GRM7: variants seen among roughly 807,000 people sequenced by gnomAD.
GRM7 encodes the protein glutamate metabotropic receptor 7.
In GRM7, 35 loss-of-function variants were observed where a neutral mutation model predicts 84.5. The ratio of observed to expected loss-of-function variants is 0.41; its 90% CI spans 0.32 to 0.55. The LOEUF (loss-of-function observed/expected upper bound fraction) is 0.55, where lower values mean the gene tolerates loss of function less well. Ranked by LOEUF, GRM7 falls within the 20% of genes least tolerant of loss-of-function variation. The pLI is 0.19. For missense variants in GRM7, 1,003 were observed against 1,194.6 expected (o/e 0.84, Z 2.36); for synonymous variants, 487 against 455.1 (o/e 1.07, Z -0.89).
intron 1 of GRM7, among the ~76,000 whole-genome samples, chr3:7,035,484 C>T (rs545416957): frequency 2.6e-5 from 4 of 152,242 alleles, no homozygotes; most frequent in Non-Finnish European, 5.9e-5. Context: ...AATACTATTT[C>T]AAGGCCTATA....
intron 1 of GRM7, among the ~76,000 whole-genome samples, chr3:6,887,650 T>C (rs1695752648): frequency 6.6e-6 from 1 of 152,176 alleles, no homozygotes; most frequent in South Asian, 2.1e-4. Context: ...TTTGGGTTGG[T>C]TCCAAGTCTT....
At chr3:7,605,570 C>T (rs1559434150) in intron 8 of GRM7, among the ~76,000 whole-genome samples, 1 of 152,074 alleles carries the variant, frequency 6.6e-6, no homozygotes. Context: ...ACTAAGAATA[C>T]AGCAAGAATG....
chr3:7,341,277 T>A (rs567432450), intron 4 of GRM7, among the ~76,000 whole-genome samples: 1 of 152,106 alleles, frequency 6.6e-6, no homozygotes, highest in Admixed American at 6.6e-5. Flanking sequence ...AAATGTAACT[T>A]TAAGCAATGA....
At chr3:7,061,017 C>A (rs961218654) in intron 1 of GRM7, among the ~76,000 whole-genome samples, 11 of 151,700 alleles carry the variant, frequency 7.3e-5, no homozygotes, top group African/African-American at 2.2e-4. Context: ...CAATTTAATG[C>A]CCTTTTAGGT....
intron 2 of GRM7, among the ~76,000 whole-genome samples, chr3:7,245,673 C>G (rs1004299513): frequency 6.6e-6 from 1 of 151,822 alleles, no homozygotes; most frequent in African/African-American, 2.4e-5. Context: ...TAAAAAATGA[C>G]AAATGGAATT....
At chr3:7,611,529 A>G (rs1430658717) in intron 8 of GRM7, among the ~76,000 whole-genome samples, 1 of 152,202 alleles carries the variant, frequency 6.6e-6, no homozygotes, top group African/African-American at 2.4e-5. Flanking sequence ...GACAGAGGCC[A>G]GAGAGAAACA....
At chr3:7,347,852 C>G (rs143182036) in intron 4 of GRM7, among the ~76,000 whole-genome samples, 4 of 152,268 alleles carry the variant, frequency 2.6e-5, no homozygotes, top group African/African-American at 9.6e-5. Flanking sequence ...TTGACATTGT[C>G]CCTTGGACTT....
chr3:7,247,563 C>T (rs114220748), intron 2 of GRM7, among the ~76,000 whole-genome samples: 3,222 of 144,950 alleles, frequency 0.022, 40 homozygotes, highest in Middle Eastern at 0.043. Context: ...TGTGCCACTC[C>T]AGCCTGGGTA....
chr3:7,033,606 C>T (rs1434687870), intron 1 of GRM7, among the ~76,000 whole-genome samples: 2 of 152,092 alleles, frequency 1.3e-5, no homozygotes, highest in Non-Finnish European at 2.9e-5. Flanking sequence ...GGTTTTTTCC[C>T]CCTAAAGCTG....
At chr3:6,979,976 A>G (rs1277618163) in intron 1 of GRM7, among the ~76,000 whole-genome samples, 2 of 152,186 alleles carry the variant, frequency 1.3e-5, no homozygotes, top group South Asian at 2.1e-4. Flanking sequence ...AATAAAACAT[A>G]TAATTGCTAA....
intron 5 of GRM7, among the ~76,000 whole-genome samples, chr3:7,415,706 T>C (rs999238040): frequency 6.6e-6 from 1 of 152,146 alleles, no homozygotes; most frequent in Non-Finnish European, 1.5e-5. Context: ...CACACATTCA[T>C]TCATTTATTC....
intron 9 of GRM7, chr3:7,693,810 C>A: frequency 1.7e-6 from 1 of 583,838 alleles, no homozygotes; most frequent in Non-Finnish European, 3.1e-6. Context: ...GGGGGTAGTT[C>A]TCATCACATG....
chr3:7,253,253 A>G (rs1698071409), intron 2 of GRM7, among the ~76,000 whole-genome samples: 1 of 152,166 alleles, frequency 6.6e-6, no homozygotes, highest in African/African-American at 2.4e-5. Context: ...CCCTCTCCAC[A>G]TAATAAAAAT....
intron 8 of GRM7, among the ~76,000 whole-genome samples, chr3:7,655,075 GC>G (rs1699120044): frequency 6.6e-6 from 1 of 152,166 alleles, no homozygotes; most frequent in Non-Finnish European, 1.5e-5. Flanking sequence ...CTAAGTACAA[GC>G]CCAGCTCAGG....
chr3:6,883,256 A>G (rs1695578185), intron 1 of GRM7, among the ~76,000 whole-genome samples: 1 of 152,088 alleles, frequency 6.6e-6, no homozygotes, highest in Admixed American at 6.6e-5. Context: ...TTGATTTACA[A>G]TAACTTTTTA....
intron 1 of GRM7, among the ~76,000 whole-genome samples, chr3:7,100,160 G>C (rs911355842): frequency 2.6e-5 from 4 of 151,344 alleles, no homozygotes; most frequent in African/African-American, 7.3e-5. Flanking sequence ...CAGAAACAAA[G>C]AACCTAACTT....
chr3:7,269,089 AG>A (rs1698756904), intron 2 of GRM7, among the ~76,000 whole-genome samples: 1 of 152,224 alleles, frequency 6.6e-6, no homozygotes, highest in African/African-American at 2.4e-5. Context: ...ATAAAAAAAC[AG>A]AGACCCACAG....
At chr3:7,070,896 G>A (rs1200054165) in intron 1 of GRM7, among the ~76,000 whole-genome samples, 1 of 152,134 alleles carries the variant, frequency 6.6e-6, no homozygotes, top group Non-Finnish European at 1.5e-5. Flanking sequence ...TGGCTCATGG[G>A]TGGTCAACTG....
intron 4 of GRM7, among the ~76,000 whole-genome samples, chr3:7,313,645 G>A (rs1346925045): frequency 1.3e-5 from 2 of 152,086 alleles, no homozygotes; most frequent in Non-Finnish European, 2.9e-5. Flanking sequence ...AGTCATTACT[G>A]TAGAGTGAAA....
Sources: gnomAD v4.1 joint callset for allele counts (sites outside exome capture counted in the v4.1 genomes callset) on GRCh38, gnomAD v4.1.1 for gene constraint, MANE v1.5 for transcripts, NCBI Gene and HGNC (gene_info 2026-07-23, HGNC 2026-07-21) for gene names.